ENPP2: variants seen among roughly 807,000 people sequenced by gnomAD.
ENPP2 encodes ectonucleotide pyrophosphatase/phosphodiesterase 2, also known as autotaxin.
In ENPP2, 51 loss-of-function variants were observed where a neutral mutation model predicts 120.2. The observed-to-expected ratio is 0.42, with a 90% CI of 0.34 to 0.54. The LOEUF is 0.54. Ranked by LOEUF, ENPP2 falls within the 20% of genes least tolerant of loss-of-function variation. The pLI is 0.04. For missense variants in ENPP2, 920 were observed against 1,066.5 expected (o/e 0.86, Z 1.91); for synonymous variants, 365 against 366.4 (o/e 1.00, Z 0.04).
chr8:119,596,077 C>T, intron 11 of ENPP2: 4 of 1,398,246 alleles, frequency 2.9e-6, no homozygotes, highest in Non-Finnish European at 4.0e-6. Context: ...CTTACACTTT[C>T]CCATCTGGGA....
Position 119,597,091 on chromosome 8 carries a change from C to T in ENPP2, c.973-3231G>A, listed in dbSNP as rs998889864. Among the ~76,000 whole-genome samples the T allele has an allele frequency of 2.6e-5, 4 of 152,206 alleles. No individual in the cohort carries two copies. In the East Asian group the frequency reaches 5.8e-4, roughly 22 times the overall value. On this transcript the variant is annotated intron_variant, in intron 11 of 24. Coordinates refer to ENST00000075322, the MANE Select transcript of ENPP2 (RefSeq NM_001040092.3). Reference sequence around the variant, plus strand: ...TCCAAGAAGGGGAACATCTGCCATGCGATTTCACTGTTTCCAGGGCAAGCC... The same window carrying T: ...TCCAAGAAGGGGAACATCTGCCATGTGATTTCACTGTTTCCAGGGCAAGCC...
chr8:119,611,077 T>C (rs1410709767), intron 8 of ENPP2, among the ~76,000 whole-genome samples: 1 of 152,132 alleles, frequency 6.6e-6, no homozygotes, highest in Non-Finnish European at 1.5e-5. Context: ...GGGAATGACA[T>C]TGTATCTTGT....
chr8:119,578,087 G>A (rs188307163), intron 19 of ENPP2, among the ~76,000 whole-genome samples: 1 of 152,272 alleles, frequency 6.6e-6, no homozygotes, highest in Admixed American at 6.5e-5. Flanking sequence ...GTCTCGCTCT[G>A]TCGCCCAGGT....
chr8:119,631,459 G>A (rs1001559884), intron 2 of ENPP2, among the ~76,000 whole-genome samples: 7 of 151,710 alleles, frequency 4.6e-5, no homozygotes, highest in South Asian at 4.2e-4. Context: ...ATTGTGATCC[G>A]CCCACCTTGG....
At chr8:119,590,721 A>T (rs934251735) in intron 12 of ENPP2, 91 bp from the exon 13 acceptor site, 54 of 952,632 alleles carry the variant, frequency 5.7e-5, no homozygotes, top group Admixed American at 6.3e-5. Flanking sequence ...GCATCTCTTT[A>T]GTTAGTTTTT....
intron 24 of ENPP2, among the ~76,000 whole-genome samples, 179 bp downstream of exon 24, chr8:119,562,677 GA>G (rs1206176299): frequency 6.6e-6 from 1 of 152,132 alleles, no homozygotes; most frequent in African/African-American, 2.4e-5. Flanking sequence ...GAAAAATAAA[GA>G]GTCATTAGAA....
chr8:119,595,432 C>G (rs1813817165), intron 11 of ENPP2, among the ~76,000 whole-genome samples: 1 of 152,148 alleles, frequency 6.6e-6, no homozygotes, highest in African/African-American at 2.4e-5. Flanking sequence ...TCTGAAGGTA[C>G]AGACCCCTAA....
At chr8:119,602,182 G>A (rs114186856) in intron 9 of ENPP2, among the ~76,000 whole-genome samples, 2,195 of 152,214 alleles carry the variant, frequency 0.014, 47 homozygotes, top group African/African-American at 0.05. Flanking sequence ...AATAGGCCAG[G>A]TGCAGTGGCT....
At chr8:119,648,273 A>G (rs983259816) in intron 1 of ENPP2, among the ~76,000 whole-genome samples, 2 of 152,228 alleles carry the variant, frequency 1.3e-5, no homozygotes, top group African/African-American at 4.8e-5. Context: ...TGCTCTCAGC[A>G]TCTTCTAAAG....
chr8:119,594,560 T>C (rs1813755891), intron 11 of ENPP2, among the ~76,000 whole-genome samples: 1 of 152,224 alleles, frequency 6.6e-6, no homozygotes, highest in Admixed American at 6.5e-5. Context: ...ACTCAATTCT[T>C]TTCTGAAGAC....
At chr8:119,625,686 A>G (rs1816222200) in intron 3 of ENPP2, among the ~76,000 whole-genome samples, 1 of 152,188 alleles carries the variant, frequency 6.6e-6, no homozygotes, top group Non-Finnish European at 1.5e-5. Flanking sequence ...TAGTTTGTGT[A>G]TGGTGTTGTC....
Position 119,570,799 on chromosome 8 carries a change from G to C in ENPP2, c.1823C>G (p.Thr608Ser), listed in dbSNP as rs1404485336. 3.8e-6 allele frequency: 6 copies of C among 1,585,362 alleles called. No homozygotes were observed. Among genetic ancestry groups the C allele is most frequent in the Non-Finnish European group, 5.1e-6 (6 of 1,166,808 alleles). Residue 608 changes from threonine (T) to serine (S), a missense_variant, in exon 20 of 25, where the codon ACT becomes AGT. Transcript: ENST00000075322. ...AGTGTGATATAAGATATCATATCTA[G>C]TCCGATAAAGCACTGCAGGTCGCCC... ...LYGRPAVLYR[T>S]RYDILYHTDF...
intron 2 of ENPP2, among the ~76,000 whole-genome samples, chr8:119,633,588 T>C (rs543219489): frequency 6.6e-6 from 1 of 152,236 alleles, no homozygotes; most frequent in South Asian, 2.1e-4. Context: ...GTTAATACTG[T>C]ATTATGCCTC....
intron 1 of ENPP2, among the ~76,000 whole-genome samples, chr8:119,658,889 T>C (rs947744209): frequency 6.6e-6 from 1 of 152,126 alleles, no homozygotes. Flanking sequence ...AAGGAAAATA[T>C]AACTGGAGTG....
intron 2 of ENPP2, among the ~76,000 whole-genome samples, chr8:119,630,338 CCT>C (rs1188524729): frequency 6.6e-6 from 1 of 152,116 alleles, no homozygotes; most frequent in Admixed American, 6.6e-5. Context: ...TAACTCCTGA[CCT>C]CAGGTGATCC....
At chr8:119,639,473 G>C (rs1164614570), upstream of ENPP2, among the ~76,000 whole-genome samples, 1 of 152,172 alleles carries the variant, frequency 6.6e-6, no homozygotes, top group African/African-American at 2.4e-5. Flanking sequence ...TTCAAGTTTA[G>C]AGAAGTAACT....
intron 8 of ENPP2, among the ~76,000 whole-genome samples, chr8:119,612,009 A>T (rs1451281374): frequency 2.0e-5 from 3 of 152,254 alleles, no homozygotes; most frequent in African/African-American, 7.2e-5. Flanking sequence ...AGCCTGGGCG[A>T]CAGAGCAAAA....
At chr8:119,659,520 G>C (rs768162542) in intron 1 of ENPP2, among the ~76,000 whole-genome samples, 6 of 152,122 alleles carry the variant, frequency 3.9e-5, no homozygotes, top group Non-Finnish European at 8.8e-5. Context: ...AAAGCCTCCA[G>C]GCTTCCCTGC....
At chr8:119,646,213 C>T (rs1354859692) in intron 1 of ENPP2, among the ~76,000 whole-genome samples, 2 of 152,144 alleles carry the variant, frequency 1.3e-5, no homozygotes, top group African/African-American at 4.8e-5. Context: ...TCGTGATCCA[C>T]CCACCTCGGC....
Sources: gnomAD v4.1 joint callset for allele counts (sites outside exome capture counted in the v4.1 genomes callset) on GRCh38, gnomAD v4.1.1 for gene constraint, MANE v1.5 for transcripts, NCBI Gene and HGNC (gene_info 2026-07-23, HGNC 2026-07-21) for gene names.